UGGT1: variants seen among roughly 807,000 people sequenced by gnomAD.
UGGT1 encodes the protein UDP-glucose glycoprotein glucosyltransferase 1.
A neutral mutation model predicts 203.9 loss-of-function variants in UGGT1; 107 were observed. The ratio of observed to expected loss-of-function variants is 0.52; its 90% CI spans 0.45 to 0.62. The LOEUF (loss-of-function observed/expected upper bound fraction) is 0.62. UGGT1 is among the 20% of genes least tolerant of loss of function. The pLI is 0.00. For missense variants in UGGT1, 1,673 were observed against 1,867.2 expected, an observed-to-expected ratio of 0.90 and a Z score of 1.92; for synonymous variants, 628 against 653.5, an observed-to-expected ratio of 0.96 and a Z score of 0.59.
chr2:128,112,240 A>T, intron 5 of UGGT1, among the ~76,000 whole-genome samples: 1 of 150,860 alleles, frequency 6.6e-6, no homozygotes, highest in Non-Finnish European at 1.5e-5. Flanking sequence ...GGCCAACATG[A>T]TGAAACACTG....
chr2:128,156,143 G>A (rs916340604), intron 20 of UGGT1, among the ~76,000 whole-genome samples: 2 of 152,092 alleles, frequency 1.3e-5, no homozygotes, highest in African/African-American at 4.8e-5. Context: ...TTAAATCCCC[G>A]CTGTGGTCTC....
intron 1 of UGGT1, among the ~76,000 whole-genome samples, chr2:128,094,736 C>CTTTT (rs70988604): frequency 1.2e-4 from 10 of 84,630 alleles, no homozygotes; most frequent in African/African-American, 2.3e-4. Flanking sequence ...TAAGAGAATG[C>CTTTT]TTTTTTTTTT....
At chr2:128,135,913 G>A (rs546265314) in intron 15 of UGGT1, among the ~76,000 whole-genome samples, 2 of 152,306 alleles carry the variant, frequency 1.3e-5, no homozygotes, top group African/African-American at 4.8e-5. Flanking sequence ...GAATACATCT[G>A]GTTAGATGGA....
chr2:128,184,067 A>C (rs185063292), intron 38 of UGGT1, among the ~76,000 whole-genome samples: 176 of 152,218 alleles, frequency 1.2e-3, no homozygotes, highest in Non-Finnish European at 7.6e-4. Flanking sequence ...CCATTAGCAT[A>C]TCTTTGTATT....
rs1417656094 is a variant in UGGT1, at chr2:128,093,104, G to A, written c.58+1689G>A. ...TGGTTTTACCTGTAGAGTTAAGAAT[G>A]TGGGGTCAGAGTGGCAAAGCTCTTT... On this transcript the variant is annotated intron_variant, in intron 1 of 40. Coordinates refer to ENST00000259253, the MANE Select transcript of UGGT1 (RefSeq NM_020120.4). 2.6e-5 allele frequency among the ~76,000 whole-genome samples: 4 copies of A among 152,206 alleles called. No individual in the cohort carries two copies. The East Asian group carries it at 7.7e-4, about 29-fold the overall frequency.
Position 128,131,953 on chromosome 2 carries a change from G to A in UGGT1, c.1378-1188G>A, listed in dbSNP as rs116357293. Among the ~76,000 whole-genome samples, 669 of 152,190 alleles carry A rather than the reference G, an allele frequency of 4.4e-3. 2 individuals are homozygous for A. Among genetic ancestry groups the A allele is most frequent in the African/African-American group, 0.015 (635 of 41,516 alleles). On this transcript the variant is annotated intron_variant, in intron 13 of 40. Coordinates refer to ENST00000259253, the MANE Select transcript of UGGT1 (RefSeq NM_020120.4). Reference sequence around the variant, plus strand: ...TACTGCATTTATTTTAGAAAAATTAGTACTAATATAGTCTTCAACTTTATT... The same window carrying A: ...TACTGCATTTATTTTAGAAAAATTAATACTAATATAGTCTTCAACTTTATT...
intron 13 of UGGT1, among the ~76,000 whole-genome samples, chr2:128,130,651 G>T (rs1033221051): frequency 1.3e-5 from 2 of 152,124 alleles, no homozygotes; most frequent in African/African-American, 4.8e-5. Context: ...CTTGGGGGAA[G>T]AAACAGTTTT....
rs1692233281 is a variant in UGGT1 at position 128,190,959 on chromosome 2, C to T, written c.*1217C>T. 1 of 152,314 alleles carries T rather than the reference C, an allele frequency of 6.6e-6. No individual in the cohort carries two copies. The allele number at this position is 152,314 out of a possible 1,614,324, so 9.4% of individuals were successfully genotyped here. The stretch of plus-strand genomic sequence containing the variant: ...GTCCCTGCTTTGTGTGTCTTCACTT[C>T]CACAGCCAGTGTTGCCCCTCAGGGC... On this transcript the variant is annotated 3_prime_UTR_variant, in exon 41 of 41. Transcript: ENST00000259253.
Position 128,171,215 on chromosome 2 carries a change from A to G in UGGT1, c.3035A>G (p.Gln1012Arg), listed in dbSNP as rs1205640394. Residue 1012 changes from glutamine to arginine, a missense_variant, in exon 28 of 41, where the codon CAG becomes CGG. Physicochemically the swap from Gln to Arg is conservative, Grantham distance 43. Transcript: ENST00000259253. ...RLAPLLLVLAQLINMNLRVFM... is the reference protein window; with the variant it reads ...RLAPLLLVLARLINMNLRVFM... ...TGGTTTTCCTTCTAGGTTTTGGCTCAGCTGATAAACATGAATCTGAGAGTA... is the reference window on the plus strand; with the variant it reads ...TGGTTTTCCTTCTAGGTTTTGGCTCGGCTGATAAACATGAATCTGAGAGTA... 6.2e-7 allele frequency: 1 copy of G among 1,609,908 alleles called. No individual in the cohort carries two copies. Among genetic ancestry groups the G allele is most frequent in the Non-Finnish European group, 8.5e-7 (1 of 1,179,020 alleles).
intron 3 of UGGT1, among the ~76,000 whole-genome samples, chr2:128,105,628 C>G (rs1687572383): frequency 6.6e-6 from 1 of 151,964 alleles, no homozygotes; most frequent in African/African-American, 2.4e-5. Flanking sequence ...TGTTCTCCTG[C>G]CTCAGCCTCC....
intron 19 of UGGT1, among the ~76,000 whole-genome samples, chr2:128,154,247 CTAAG>C (rs1285042423): frequency 4.6e-5 from 7 of 152,126 alleles, no homozygotes; most frequent in South Asian, 2.1e-4. Flanking sequence ...GCTCTTCATC[CTAAG>C]TGTTTATTGT....
At chr2:128,161,081 C>T in intron 24 of UGGT1, 57 bp from the exon 25 acceptor site, 1 of 1,597,218 alleles carries the variant, frequency 6.3e-7, no homozygotes, top group Non-Finnish European at 8.5e-7. Flanking sequence ...TCCTTACCAG[C>T]TTGCTGAGTG....
rs1343385517 is a variant in UGGT1, at chr2:128,191,572, T to C, written c.*1830T>C. ...GGGATCAGTAAGATTAAAAAACTTT[T>C]GTTCGGCCAGGCGTGGTGGCTCACA... On this transcript the variant is annotated 3_prime_UTR_variant, in exon 41 of 41. Transcript: ENST00000259253. The C allele has an allele frequency of 6.6e-6, 1 of 152,384 alleles. No homozygotes were observed. Among genetic ancestry groups the C allele is most frequent in the Non-Finnish European group, 1.5e-5 (1 of 68,242 alleles). 9.4% of individuals were successfully genotyped at this position (152,384 alleles called of 1,614,324 possible).
At chr2:128,098,216 A>G (rs1687202496) in intron 2 of UGGT1, among the ~76,000 whole-genome samples, 1 of 152,212 alleles carries the variant, frequency 6.6e-6, no homozygotes, top group South Asian at 2.1e-4. Context: ...GGTGATTGAT[A>G]AAAGGAAGAG....
At chr2:128,153,098 C>T (rs767484089) in intron 19 of UGGT1, among the ~76,000 whole-genome samples, 194 bp downstream of exon 19, 29 of 129,324 alleles carry the variant, frequency 2.2e-4, no homozygotes, top group Non-Finnish European at 1.2e-4. Context: ...CAAGAGTTTC[C>T]TCCTAAAGAA....
At chr2:128,103,048 TTTC>T (rs1290263163) in intron 2 of UGGT1, 1 of 470,942 alleles carries the variant, frequency 2.1e-6, no homozygotes, top group Admixed American at 2.3e-5. Context: ...CCAGGAAATG[TTTC>T]TTATTTTTCC....
chr2:128,149,609 C>CAA (rs886969052), intron 18 of UGGT1, among the ~76,000 whole-genome samples: 3 of 138,550 alleles, frequency 2.2e-5, no homozygotes, highest in South Asian at 4.6e-4. Context: ...ACTAAAAATC[C>CAA]AAAAAAAAAA....
At chr2:128,178,595 T>C in intron 34 of UGGT1, 26 bp downstream of exon 34, 1 of 1,558,768 alleles carries the variant, frequency 6.4e-7, no homozygotes, top group South Asian at 1.1e-5. Context: ...TATTTCATTA[T>C]ATATGATGAA....
intron 5 of UGGT1, among the ~76,000 whole-genome samples, chr2:128,112,539 C>T (rs1687920093): frequency 1.5e-5 from 2 of 137,080 alleles, no homozygotes; most frequent in South Asian, 4.8e-4. Context: ...CCCTTTTCCT[C>T]CCCTTTTAGG....
Sources: gnomAD v4.1 joint callset for allele counts (sites outside exome capture counted in the v4.1 genomes callset) on GRCh38, gnomAD v4.1.1 for gene constraint, MANE v1.5 for transcripts, NCBI Gene and HGNC (gene_info 2026-07-23, HGNC 2026-07-21) for gene names.